Variants in FBXL13 observed in about 807,000 individuals in gnomAD.
The protein encoded by FBXL13 is F-box and leucine rich repeat protein 13, also known as F-box and leucine-rich repeat protein 13.
A neutral mutation model predicts 83.6 loss-of-function variants in FBXL13; 67 were observed. The ratio of observed to expected loss-of-function variants is 0.80; its 90% CI spans 0.66 to 0.98. FBXL13 has a LOEUF of 0.98. Among genes scored for constraint, FBXL13 ranks in the 50% least tolerant of loss-of-function variants. The pLI, the probability that FBXL13 is intolerant of heterozygous loss-of-function variation, is 0.00. For synonymous variants in FBXL13, 272 were observed against 299.5 expected (o/e 0.91, Z 0.95); for missense variants, 822 against 866.5 (o/e 0.95, Z 0.64).
At chr7:102,878,406 C>T in exon 15 of FBXL13, 1 of 1,608,244 alleles carries the variant, frequency 6.2e-7, no homozygotes, top group Non-Finnish European at 8.5e-7. Context: ...TATCCTCATG[C>T]TTGCAGGACC....
intron 2 of FBXL13, among the ~76,000 whole-genome samples, chr7:103,043,704 G>A (rs893559924): frequency 5.9e-5 from 9 of 152,086 alleles, no homozygotes; most frequent in Non-Finnish European, 1.3e-4. Flanking sequence ...AGTAAAGACA[G>A]GGTTTCACCA....
intron 6 of FBXL13, among the ~76,000 whole-genome samples, chr7:102,991,087 G>T (rs1829513278): frequency 6.6e-6 from 1 of 152,164 alleles, no homozygotes; most frequent in Non-Finnish European, 1.5e-5. Flanking sequence ...CAGTAGCTTT[G>T]AATTTGATAG....
chr7:102,898,892 TTTTA>T (rs1371124444), intron 11 of FBXL13, among the ~76,000 whole-genome samples: 4 of 152,044 alleles, frequency 2.6e-5, no homozygotes, highest in African/African-American at 9.7e-5. Flanking sequence ...ATTCTTTTAT[TTTTA>T]TTTATTTAAT....
chr7:103,056,498 G>A (rs908278833), intron 1 of FBXL13, among the ~76,000 whole-genome samples: 3 of 151,856 alleles, frequency 2.0e-5, no homozygotes, highest in Middle Eastern at 3.2e-3. Context: ...TGCTCTTGTC[G>A]CCCAGGTTGG....
intron 8 of FBXL13, among the ~76,000 whole-genome samples, chr7:102,932,815 C>T (rs1037427545): frequency 1.2e-4 from 18 of 152,062 alleles, no homozygotes; most frequent in Non-Finnish European, 1.9e-4. Context: ...CCCCATGCTG[C>T]TCAGACTGGT....
At chr7:102,903,943 T>TCTTTTC (rs3045671) in intron 11 of FBXL13, among the ~76,000 whole-genome samples, 204 of 134,282 alleles carry the variant, frequency 1.5e-3, no homozygotes, top group African/African-American at 5.7e-3. Flanking sequence ...TCTTTTCTTT[T>TCTTTTC]TTTTTTTTTT....
At chr7:103,031,243 C>T (rs184691944) in intron 2 of FBXL13, 5 of 152,382 alleles carry the variant, frequency 3.3e-5, no homozygotes, top group African/African-American at 1.2e-4. Flanking sequence ...TTCACTTCCT[C>T]CATTTATGTT....
intron 9 of FBXL13, 92 bp from the exon 11 acceptor site, chr7:102,926,466 G>GA: frequency 5.4e-6 from 5 of 933,582 alleles, no homozygotes; most frequent in South Asian, 1.7e-5. Context: ...TCCTGTTCCA[G>GA]AAAAAAATAC....
At chr7:102,963,279 C>A (rs955724665) in intron 8 of FBXL13, among the ~76,000 whole-genome samples, 17 of 151,596 alleles carry the variant, frequency 1.1e-4, no homozygotes, top group Middle Eastern at 3.4e-3. Context: ...CAAGATCGCA[C>A]CACTGCACTC....
chr7:102,981,998 T>C (rs1332016355), intron 6 of FBXL13, among the ~76,000 whole-genome samples: 4 of 152,172 alleles, frequency 2.6e-5, no homozygotes, highest in Non-Finnish European at 5.9e-5. Flanking sequence ...AGGTCAATGC[T>C]GGGTTACAGC....
rs938562272 is a variant in FBXL13 at position 102,959,160 on chromosome 7, A to T, written c.724+4373T>A. ...GACAAGCTATTAAAACCAAGAAGAG[A>T]GCTTAATACATGGTCAGATACAATA... On this transcript the variant is annotated intron_variant, in intron 8 of 19. Coordinates refer to ENST00000313221, the Ensembl canonical transcript of FBXL13. Among the ~76,000 whole-genome samples, 43 of 152,240 alleles carry T rather than the reference A, an allele frequency of 2.8e-4. 1 individual carries two copies. The highest frequency in any genetic ancestry group is 1.0e-3 in the African/African-American group (43 of 41,534).
intron 1 of FBXL13, among the ~76,000 whole-genome samples, chr7:103,061,391 G>T (rs1265124045): frequency 6.6e-6 from 1 of 152,066 alleles, no homozygotes; most frequent in Non-Finnish European, 1.5e-5. Context: ...AATAAATCAT[G>T]TGCTTTTCTT....
chr7:103,000,018 G>A (rs937202013), intron 6 of FBXL13, among the ~76,000 whole-genome samples: 1 of 151,880 alleles, frequency 6.6e-6, no homozygotes, highest in Non-Finnish European at 1.5e-5. Flanking sequence ...TTTTGATATA[G>A]GCATTTATTG....
intron 17 of FBXL13, among the ~76,000 whole-genome samples, chr7:102,837,808 G>A (rs143911430): frequency 1.3e-5 from 2 of 152,182 alleles, no homozygotes; most frequent in South Asian, 2.1e-4. Context: ...TTCCCAAAAC[G>A]TTGGGATTAT....
intron 11 of FBXL13, among the ~76,000 whole-genome samples, chr7:102,901,768 G>A (rs958462577): frequency 6.6e-6 from 1 of 152,164 alleles, no homozygotes; most frequent in Admixed American, 6.5e-5. Flanking sequence ...TGGATCTCAT[G>A]CTTTTTTATG....
At chr7:102,883,437 T>C (rs539542782) in exon 14 of FBXL13, 4 of 1,613,030 alleles carry the variant, frequency 2.5e-6, no homozygotes, top group Non-Finnish European at 2.5e-6. Context: ...GTCTATAAAT[T>C]TGAAGGATGC....
intron 19 of FBXL13, among the ~76,000 whole-genome samples, chr7:102,817,866 G>T (rs756057591): frequency 6.6e-6 from 1 of 152,138 alleles, no homozygotes; most frequent in Non-Finnish European, 1.5e-5. Flanking sequence ...AATGATTTGG[G>T]AATTGAACCA....
At chr7:103,060,614 T>C (rs1179130171) in intron 1 of FBXL13, among the ~76,000 whole-genome samples, 1 of 152,190 alleles carries the variant, frequency 6.6e-6, no homozygotes, top group African/African-American at 2.4e-5. Context: ...TAGTAACTAT[T>C]ATAACCCTTG....
At chr7:103,074,731 A>G (rs1341814866), upstream of FBXL13, 12 of 1,289,832 alleles carry the variant, frequency 9.3e-6, no homozygotes, top group Non-Finnish European at 1.2e-5. Flanking sequence ...TCCTTGAAGT[A>G]GTTCTTCAGC....
Sources: gnomAD v4.1 joint callset for allele counts (sites outside exome capture counted in the v4.1 genomes callset) on GRCh38, gnomAD v4.1.1 for gene constraint, MANE v1.5 for transcripts, NCBI Gene and HGNC (gene_info 2026-07-23, HGNC 2026-07-21) for gene names.